The following DIPK1A variants were observed in gnomAD, a reference collection of about 807,000 sequenced individuals.
The protein encoded by DIPK1A is family with sequence similarity 69 member A.
Under a neutral mutation model 40.8 loss-of-function variants are expected in DIPK1A, and 27 were observed. The observed-to-expected ratio is 0.66, with a 90% CI of 0.49 to 0.91. The LOEUF is 0.91. DIPK1A is among the 40% of genes least tolerant of loss of function. DIPK1A has a pLI of 0.00. For synonymous variants in DIPK1A, 166 were observed against 171.3 expected, an observed-to-expected ratio of 0.97 and a Z score of 0.24; for missense variants, 412 against 505.7, an observed-to-expected ratio of 0.81 and a Z score of 1.78.
intron 1 of DIPK1A, among the ~76,000 whole-genome samples, chr1:92,940,480 T>C (rs556588756): frequency 6.6e-6 from 1 of 152,356 alleles, no homozygotes; most frequent in African/African-American, 2.4e-5. Context: ...ACTACAATTC[T>C]ACCCCTTAAC....
intron 1 of DIPK1A, among the ~76,000 whole-genome samples, chr1:92,897,658 A>T (rs998473692): frequency 8.1e-4 from 13 of 16,020 alleles, no homozygotes; most frequent in African/African-American, 4.4e-3. Flanking sequence ...AAGTATAATA[A>T]AAAAAAAATT....
chr1:92,867,207 C>T lies in DIPK1A; in HGVS notation c.189+9089G>A, dbSNP rs375627684. Among the ~76,000 whole-genome samples, 408 of 144,216 alleles carry T rather than the reference C, an allele frequency of 2.8e-3. 6 individuals carry two copies. The South Asian group carries it at 0.034, about 12-fold the overall frequency. 94.6% of individuals were successfully genotyped at this position (144,216 alleles called of 152,430 possible). On this transcript the variant is annotated intron_variant, in intron 2 of 4. Transcript: ENST00000370310. ...GGAACTGAAACCTAAAGTTCTTTTACTCCAATTCTTTTTTTTTTTTTTTTT... is the reference window on the plus strand; with the variant it reads ...GGAACTGAAACCTAAAGTTCTTTTATTCCAATTCTTTTTTTTTTTTTTTTT...
intron 3 of DIPK1A, among the ~76,000 whole-genome samples, chr1:92,848,568 C>T (rs1175138328): frequency 6.6e-6 from 1 of 152,194 alleles, no homozygotes; most frequent in African/African-American, 2.4e-5. Context: ...AGAAAGCCTT[C>T]CCTGACCCCC....
intron 1 of DIPK1A, among the ~76,000 whole-genome samples, chr1:92,939,140 G>C (rs1651056817): frequency 6.6e-6 from 1 of 152,166 alleles, no homozygotes; most frequent in Non-Finnish European, 1.5e-5. Context: ...GACCTCAGGT[G>C]ATCTGCCCAC....
At chr1:92,916,568 C>G (rs1046585222) in intron 1 of DIPK1A, among the ~76,000 whole-genome samples, 1 of 152,166 alleles carries the variant, frequency 6.6e-6, no homozygotes, top group Non-Finnish European at 1.5e-5. Flanking sequence ...TCACAAAGTG[C>G]TGGGATTACA....
intron 2 of DIPK1A, among the ~76,000 whole-genome samples, chr1:92,854,206 T>C (rs1384859846): frequency 1.3e-5 from 2 of 152,194 alleles, no homozygotes; most frequent in Non-Finnish European, 2.9e-5. Flanking sequence ...GTTAATATAA[T>C]ACCTGATAGT....
chr1:92,837,745 G>A (rs751478528), downstream of DIPK1A: 30 of 831,322 alleles, frequency 3.6e-5, no homozygotes, highest in Non-Finnish European at 5.8e-5. Context: ...GACAACATGA[G>A]CTAGACTTGT....
chr1:92,941,329 T>C (rs999232886), intron 1 of DIPK1A, among the ~76,000 whole-genome samples: 3 of 152,198 alleles, frequency 2.0e-5, no homozygotes, highest in African/African-American at 7.2e-5. Context: ...TTGTAGCAAT[T>C]ATCTCTCAAT....
At chr1:92,835,189 C>T in intron 4 of DIPK1A, 1 of 507,414 alleles carries the variant, frequency 2.0e-6, no homozygotes, top group East Asian at 3.7e-5. Flanking sequence ...TTTGAAAATC[C>T]ACTTGTAGCT....
Position 92,849,020 on chromosome 1 carries a change from T to C in DIPK1A, c.298-1661A>G, listed in dbSNP as rs566993381. ...TTCTCTGATGAAAAGTAAGGTAGAATTTTTTTTCATTATGTTCATCAGCTG... is the reference window on the plus strand; with the variant it reads ...TTCTCTGATGAAAAGTAAGGTAGAACTTTTTTTCATTATGTTCATCAGCTG... On this transcript the variant is annotated intron_variant, in intron 3 of 4. Coordinates refer to ENST00000370310, the MANE Select transcript of DIPK1A (RefSeq NM_001006605.5). Among the ~76,000 whole-genome samples, 20 of 152,206 alleles carry C rather than the reference T, an allele frequency of 1.3e-4. No homozygotes were observed. The South Asian group carries it at 2.1e-3, about 16-fold the overall frequency.
chr1:92,900,418 T>C (rs1649361107), intron 1 of DIPK1A, among the ~76,000 whole-genome samples: 2 of 152,196 alleles, frequency 1.3e-5, no homozygotes, highest in Non-Finnish European at 1.5e-5. Flanking sequence ...ATTTATTTCA[T>C]TCATTGACTT....
chr1:92,952,384 C>T (rs1651668514), intron 1 of DIPK1A, among the ~76,000 whole-genome samples: 1 of 152,178 alleles, frequency 6.6e-6, no homozygotes, highest in African/African-American at 2.4e-5. Context: ...CTTTGGGAGG[C>T]CAAGGTGGGC....
chr1:92,892,898 A>G (rs1014277852), intron 1 of DIPK1A, among the ~76,000 whole-genome samples: 3 of 152,132 alleles, frequency 2.0e-5, no homozygotes, highest in Admixed American at 6.5e-5. Flanking sequence ...AAGAAAGGGT[A>G]TCAGTGATGG....
rs761029697 is a variant in DIPK1A, at chr1:92,843,791, G to A, written c.879C>T (p.Cys293=). ...FHGPYGNFLM[C]DTSAKNLGYN... ...ATCCTAGGTTTTTGGCACTAGTATC[G>A]CACATGAGGAAATTTCCGTAGGGGC... The change falls in exon 5 of 5, where the codon TGC becomes TGT. Residue 293 remains cysteine (C), a synonymous_variant. Coordinates refer to ENST00000370310, the MANE Select transcript of DIPK1A (RefSeq NM_001006605.5). The A allele has an allele frequency of 1.1e-5, 17 of 1,551,536 alleles. No homozygotes were observed. Among genetic ancestry groups the A allele is most frequent in the South Asian group, 8.3e-5 (7 of 84,042 alleles).
Position 92,898,656 on chromosome 1 carries a change from C to T in DIPK1A, c.55-22226G>A, listed in dbSNP as rs146605390. The stretch of plus-strand genomic sequence containing the variant: ...TACCTTGCTAATTTTTATTTGTTTA[C>T]GGTTTTTGTAGAGATGAGGTCTTGT... On this transcript the variant is annotated intron_variant, in intron 1 of 4. Transcript: ENST00000370310. Among the ~76,000 whole-genome samples the T allele has an allele frequency of 3.0e-4, 46 of 152,120 alleles. 2 individuals carry two copies. The highest frequency in any genetic ancestry group is 8.3e-4 in the South Asian group (4 of 4,830).
chr1:92,959,698 G>A (rs1324554411), intron 1 of DIPK1A, among the ~76,000 whole-genome samples: 3 of 151,106 alleles, frequency 2.0e-5, no homozygotes, highest in Admixed American at 6.6e-5. Context: ...TGATCCGCCC[G>A]CCTCGGCCTC....
At chr1:92,857,758 T>C (rs1688034030) in intron 2 of DIPK1A, among the ~76,000 whole-genome samples, 1 of 152,034 alleles carries the variant, frequency 6.6e-6, no homozygotes, top group South Asian at 2.1e-4. Context: ...GCAAGAGAGG[T>C]TAAGAAGAGG....
rs60399090 is a variant in DIPK1A at position 92,887,254 on chromosome 1, T to TAAA, written c.55-10827_55-10825dup. 3.5e-4 allele frequency among the ~76,000 whole-genome samples: 37 copies of TAAA among 106,892 alleles called. 1 individual carries two copies. The highest frequency in any genetic ancestry group is 3.1e-3 in the South Asian group (9 of 2,882). 70.1% of individuals were successfully genotyped at this position (106,892 alleles called of 152,430 possible). Reference sequence around the variant, plus strand: ...AAACATAGGAAGACCCCATCTCTACTAAAAAAAAAAAAAAAAAAAAAATTA... The same window carrying TAAA: ...AAACATAGGAAGACCCCATCTCTACTAAAAAAAAAAAAAAAAAAAAAAAAATTA... On this transcript the variant is annotated intron_variant, in intron 1 of 4. Transcript: ENST00000370310.
chr1:92,864,148 A>G (rs904111930), intron 2 of DIPK1A, among the ~76,000 whole-genome samples: 1 of 152,246 alleles, frequency 6.6e-6, no homozygotes, highest in Non-Finnish European at 1.5e-5. Flanking sequence ...ACACAGGATA[A>G]TGGCAGAAAA....
Sources: gnomAD v4.1 joint callset for allele counts (sites outside exome capture counted in the v4.1 genomes callset) on GRCh38, gnomAD v4.1.1 for gene constraint, MANE v1.5 for transcripts, NCBI Gene and HGNC (gene_info 2026-07-23, HGNC 2026-07-21) for gene names.